Variants in PDE4D observed in about 807,000 individuals in gnomAD.
PDE4D encodes the protein phosphodiesterase 4D.
A neutral mutation model predicts 87.4 loss-of-function variants in PDE4D; 24 were observed. The ratio of observed to expected loss-of-function variants is 0.27; its 90% CI spans 0.20 to 0.39. The LOEUF (loss-of-function observed/expected upper bound fraction) is 0.39, where lower values mean the gene tolerates loss of function less well. Ranked by LOEUF, PDE4D falls within the 10% of genes least tolerant of loss-of-function variation. The pLI is 1.00. For missense variants in PDE4D, 714 were observed against 1,041.0 expected (o/e 0.69, Z 4.32); for synonymous variants, 384 against 383.2 (o/e 1.00, Z -0.02).
intron 1 of PDE4D, among the ~76,000 whole-genome samples, chr5:60,458,538 A>C (rs1746668201): frequency 6.6e-6 from 1 of 152,186 alleles, no homozygotes; most frequent in Admixed American, 6.5e-5. Context: ...TTTTCAAGAC[A>C]TAAGTCAGCA....
At chr5:59,297,462 TAG>T (rs1174827609) in intron 1 of PDE4D, among the ~76,000 whole-genome samples, 2 of 151,402 alleles carry the variant, frequency 1.3e-5, no homozygotes, top group African/African-American at 4.8e-5. Context: ...ATACTTGCCT[TAG>T]AGAGTTTACA....
intron 1 of PDE4D, among the ~76,000 whole-genome samples, chr5:59,415,450 A>C (rs1000948864): frequency 6.6e-6 from 1 of 152,212 alleles, no homozygotes; most frequent in Non-Finnish European, 1.5e-5. Flanking sequence ...ACGGCAGCCA[A>C]TGGCCACAAG....
rs141380989 is a variant in PDE4D at position 60,018,171 on chromosome 5, T to C, written c.43-29454A>G. On this transcript the variant is annotated intron_variant, in intron 2 of 16. Transcript: ENST00000502484. ...AAGAAACCCTACAAGCTAGAAGAGA[T>C]TGGGGGCCAAGATTCAACATTCTTA... 7.3e-3 allele frequency among the ~76,000 whole-genome samples: 1,104 copies of C among 151,914 alleles called. 12 individuals are homozygous for C. Among genetic ancestry groups the C allele is most frequent in the African/African-American group, 0.026 (1,059 of 41,414 alleles).
chr5:60,305,351 A>G (rs779312667), intron 1 of PDE4D, among the ~76,000 whole-genome samples: 1 of 152,126 alleles, frequency 6.6e-6, no homozygotes. Flanking sequence ...ATTAATTGAT[A>G]CTGAAGAAAG....
At chr5:59,846,398 T>C (rs554370690) in intron 1 of PDE4D, among the ~76,000 whole-genome samples, 3 of 152,062 alleles carry the variant, frequency 2.0e-5, no homozygotes, top group Non-Finnish European at 2.9e-5. Flanking sequence ...CTTTGTTTCA[T>C]AAAAACCACC....
chr5:59,052,546 A>C (rs1056754821), intron 5 of PDE4D, among the ~76,000 whole-genome samples: 9 of 152,202 alleles, frequency 5.9e-5, no homozygotes, highest in African/African-American at 2.2e-4. Context: ...GTGGTAGTCC[A>C]GATGCAGTGG....
chr5:60,210,975 G>A (rs1403091129), intron 1 of PDE4D, among the ~76,000 whole-genome samples: 1 of 152,184 alleles, frequency 6.6e-6, no homozygotes, highest in African/African-American at 2.4e-5. Context: ...GCCACAGCTG[G>A]CGGGGGCGGA....
chr5:60,047,376 G>C (rs1427694317), intron 2 of PDE4D, among the ~76,000 whole-genome samples: 16 of 151,964 alleles, frequency 1.1e-4, no homozygotes, highest in Admixed American at 7.2e-4. Flanking sequence ...CTTCAGTTCT[G>C]CTCTGATTTT....
chr5:59,890,371 CTCTT>C (rs1750788304), intron 1 of PDE4D, among the ~76,000 whole-genome samples: 2 of 152,098 alleles, frequency 1.3e-5, no homozygotes, highest in Admixed American at 6.5e-5. Flanking sequence ...TATCTGAACA[CTCTT>C]TCATAAGTAT....
intron 1 of PDE4D, among the ~76,000 whole-genome samples, chr5:59,646,764 G>A (rs550511273): frequency 3.3e-5 from 5 of 152,210 alleles, no homozygotes; most frequent in Non-Finnish European, 5.9e-5. Flanking sequence ...GGCCGGGTGC[G>A]GTAGCTCACA....
intron 1 of PDE4D, among the ~76,000 whole-genome samples, chr5:59,331,437 G>A (rs1776712145): frequency 6.6e-6 from 1 of 152,080 alleles, no homozygotes; most frequent in Middle Eastern, 3.2e-3. Context: ...AGCCTTGTTG[G>A]ATTCGGGTCT....
chr5:58,983,670 T>C (rs750945125), intron 11 of PDE4D, among the ~76,000 whole-genome samples: 18 of 152,246 alleles, frequency 1.2e-4, no homozygotes, highest in Non-Finnish European at 2.6e-4. Context: ...ACAACATTCC[T>C]ATCTGCCACT....
chr5:59,413,345 C>T (rs1209784925), intron 1 of PDE4D, among the ~76,000 whole-genome samples: 2 of 150,940 alleles, frequency 1.3e-5, no homozygotes, highest in African/African-American at 4.9e-5. Flanking sequence ...GTAGTCCCAG[C>T]TACTCAGGAA....
At chr5:59,661,073 A>ATT (rs1401874251) in intron 1 of PDE4D, among the ~76,000 whole-genome samples, 1 of 59,690 alleles carries the variant, frequency 1.7e-5, no homozygotes, top group Non-Finnish European at 3.2e-5. Context: ...TCATGATAAT[A>ATT]TTATATATAT....
chr5:59,131,412 G>C (rs530160568), intron 5 of PDE4D, among the ~76,000 whole-genome samples: 1 of 152,220 alleles, frequency 6.6e-6, no homozygotes, highest in East Asian at 1.9e-4. Flanking sequence ...AAGTTGGGTT[G>C]TTGTCTTGTC....
chr5:59,566,583 T>TGTGTGA (rs1554029771), intron 1 of PDE4D, among the ~76,000 whole-genome samples: 9 of 146,972 alleles, frequency 6.1e-5, no homozygotes, highest in South Asian at 2.2e-4. Flanking sequence ...TGTGTGTGTG[T>TGTGTGA]GAGAGAATGA....
Position 59,648,511 on chromosome 5 carries a change from CTAAT to C in PDE4D, c.455+244653_455+244656del, listed in dbSNP as rs1580140667. ...TGTAGTCATTAAAGAATAAAGATGA[CTAAT>C]TATTAATTTAAAGGTTATGAAAACA... On this transcript the variant is annotated intron_variant, in intron 1 of 14. Transcript: ENST00000340635. Among the ~76,000 whole-genome samples, 3 of 152,198 alleles carry C rather than the reference CTAAT, an allele frequency of 2.0e-5. No homozygotes were observed. The East Asian group carries it at 5.8e-4, about 29-fold the overall frequency.
intron 2 of PDE4D, among the ~76,000 whole-genome samples, chr5:60,141,969 A>T (rs1351123336): frequency 2.0e-5 from 3 of 152,142 alleles, no homozygotes; most frequent in African/African-American, 4.8e-5. Context: ...TCAAAACAAC[A>T]ACTAGATTTC....
At chr5:59,182,238 ATCT>A (rs545429531) in intron 4 of PDE4D, among the ~76,000 whole-genome samples, 40 of 149,550 alleles carry the variant, frequency 2.7e-4, no homozygotes, top group African/African-American at 9.9e-4. Context: ...ACCAGTAATT[ATCT>A]TCTTCTTCTT....
Sources: allele counts gnomAD v4.1 joint callset (sites outside exome capture counted in the v4.1 genomes callset), GRCh38; gene constraint gnomAD v4.1.1; transcripts MANE v1.5; gene names NCBI Gene and HGNC (gene_info 2026-07-23, HGNC 2026-07-21).